Variants in MTPAP observed in about 807,000 individuals in gnomAD.
MTPAP encodes mitochondrial poly(A) polymerase.
MTPAP carries 23 observed loss-of-function variants against 48.7 expected under a neutral mutation model. That is an observed-to-expected ratio of 0.47 (90% CI 0.34 to 0.67). The LOEUF is 0.67. MTPAP is among the 30% of genes least tolerant of loss of function. The pLI, the probability that MTPAP is intolerant of heterozygous loss-of-function variation, is 0.01. For missense variants in MTPAP, 614 were observed against 694.3 expected, an observed-to-expected ratio of 0.88 and a Z score of 1.30; for synonymous variants, 257 against 254.1, an observed-to-expected ratio of 1.01 and a Z score of -0.11.
At position 30,314,044 on chromosome 10, in the gene MTPAP, TA is replaced by T. The variant is rs1488476266; in HGVS notation, c.1387-74del. On this transcript the variant is annotated intron_variant, in intron 8 of 8. Coordinates refer to ENST00000263063, the MANE Select transcript of MTPAP (RefSeq NM_018109.4). ...TTAAATATAAAAACAGTTAACTCAA[TA>T]AAATGTCAAAACACATAAAACACCA... 1.5e-5 allele frequency: 22 copies of T among 1,500,278 alleles called. No homozygotes were observed. The African/African-American group carries it at 2.6e-4, about 18-fold the overall frequency. 92.9% of individuals were successfully genotyped at this position (1,500,278 alleles called of 1,614,324 possible).
intron 4 of MTPAP, among the ~76,000 whole-genome samples, chr10:30,330,717 T>C (rs1564521470): frequency 1.3e-5 from 2 of 152,194 alleles, no homozygotes; most frequent in Non-Finnish European, 2.9e-5. Flanking sequence ...CTTGCCCCTC[T>C]AAGGTTAAGC....
rs115009475 is a variant in MTPAP at position 30,339,844 on chromosome 10, A to G, written c.555+382T>C. The stretch of plus-strand genomic sequence containing the variant: ...TAGGGTTTATTCTGTGAATGCAAGA[A>G]TGACTTGACATGAGGAAATCTACAG... On this transcript the variant is annotated intron_variant, in intron 3 of 8. Coordinates refer to ENST00000263063, the MANE Select transcript of MTPAP (RefSeq NM_018109.4). 175 of 223,110 alleles carry G rather than the reference A, an allele frequency of 7.8e-4. 2 individuals are homozygous for G. Among genetic ancestry groups the G allele is most frequent in the African/African-American group, 3.8e-3 (166 of 43,890 alleles). 13.8% of individuals were successfully genotyped at this position (223,110 alleles called of 1,614,324 possible).
chr10:30,336,662 A>G (rs1297781554), intron 4 of MTPAP, 141 bp downstream of exon 4: 2 of 765,186 alleles, frequency 2.6e-6, no homozygotes, highest in Admixed American at 2.1e-5. Flanking sequence ...CAAAGAATCA[A>G]TAACAAATAC....
rs1304370993 is a variant in MTPAP, at chr10:30,336,688, C to G, written c.780+115G>C. The G allele has an allele frequency of 3.4e-6, 3 of 883,336 alleles. No homozygotes were observed. In the Admixed American group the frequency reaches 5.5e-5, roughly 16 times the overall value. 54.7% of individuals were successfully genotyped at this position (883,336 alleles called of 1,614,324 possible). Reference sequence around the variant, plus strand: ...TAACAAATACACCTTATTCTTTAACCACAATGTTTAATAAGTTTAGAAATC... The same window carrying G: ...TAACAAATACACCTTATTCTTTAACGACAATGTTTAATAAGTTTAGAAATC... On this transcript the variant is annotated intron_variant, in intron 4 of 8. Transcript: ENST00000263063.
chr10:30,338,122 G>C (rs747956427), intron 3 of MTPAP, among the ~76,000 whole-genome samples: 1 of 151,658 alleles, frequency 6.6e-6, no homozygotes, highest in Non-Finnish European at 1.5e-5. Context: ...AAACTAGCTG[G>C]GCATGGTGGA....
At chr10:30,316,288 G>T in intron 6 of MTPAP, 78 bp from the exon 7 acceptor site, 1 of 1,133,288 alleles carries the variant, frequency 8.8e-7, no homozygotes, top group Non-Finnish European at 1.3e-6. Flanking sequence ...TGTCATCCAG[G>T]CTGGAGTGTA....
At chr10:30,330,875 G>A (rs1834658116) in intron 4 of MTPAP, among the ~76,000 whole-genome samples, 1 of 152,156 alleles carries the variant, frequency 6.6e-6, no homozygotes, top group Non-Finnish European at 1.5e-5. Flanking sequence ...ATGAAACACT[G>A]GTCAGCCTGG....
intron 4 of MTPAP, among the ~76,000 whole-genome samples, chr10:30,334,073 T>C (rs1834702289): frequency 6.6e-6 from 1 of 152,154 alleles, no homozygotes. Context: ...CCAAGTTTAT[T>C]ATATAGTGGG....
In MTPAP at chr10:30,322,519, T is replaced by C. The variant is rs1052671033; in HGVS notation, c.1091A>G (p.His364Arg). ...VFSVRCWARA[H>R]SLTSSIPGAW... ...ACCAGGAATACTACTTGTTAGTGAA[T>C]GTGCTCGAGCCCAGCACCGTACACT... Residue 364 changes from histidine (H) to arginine (R), a missense_variant, in exon 6 of 9, where the codon CAT becomes CGT. His to Arg is a conservative substitution (Grantham distance 29). Transcript: ENST00000263063. 1.9e-6 allele frequency: 3 copies of C among 1,614,010 alleles called. No individual in the cohort carries two copies. Among genetic ancestry groups the C allele is most frequent in the Middle Eastern group, 3.3e-4 (2 of 6,062 alleles).
intron 6 of MTPAP, among the ~76,000 whole-genome samples, chr10:30,316,632 G>A (rs1306976469): frequency 6.6e-6 from 1 of 150,446 alleles, no homozygotes; most frequent in Non-Finnish European, 1.5e-5. Context: ...GCTCACACCT[G>A]TAATCCCAGA....
At position 30,332,969 on chromosome 10, in the gene MTPAP, A is replaced by C. The variant is rs547737119; in HGVS notation, c.780+3834T>G. 4.0e-5 allele frequency among the ~76,000 whole-genome samples: 6 copies of C among 151,362 alleles called. No homozygotes were observed. In the East Asian group the frequency reaches 9.8e-4, roughly 25 times the overall value. On this transcript the variant is annotated intron_variant, in intron 4 of 8. Coordinates refer to ENST00000263063, the MANE Select transcript of MTPAP (RefSeq NM_018109.4). Reference sequence around the variant, plus strand: ...ACTCCATCTCTACTAAAAATACAAAAAATTAGCTGGGCGTGGTGGCGGGCG... The same window carrying C: ...ACTCCATCTCTACTAAAAATACAAACAATTAGCTGGGCGTGGTGGCGGGCG...
intron 6 of MTPAP, among the ~76,000 whole-genome samples, chr10:30,318,064 G>C (rs1840681641): frequency 6.6e-6 from 1 of 151,986 alleles, no homozygotes; most frequent in Admixed American, 6.6e-5. Context: ...TCACTATATT[G>C]GCCAGGCTGG....
intron 1 of MTPAP, chr10:30,348,720 C>T: frequency 4.8e-6 from 1 of 208,990 alleles, no homozygotes; most frequent in East Asian, 1.2e-4. Flanking sequence ...TATAACTCGG[C>T]CTCCAGCAAC....
At chr10:30,332,513 C>T (rs1444209277) in intron 4 of MTPAP, among the ~76,000 whole-genome samples, 3 of 151,898 alleles carry the variant, frequency 2.0e-5, no homozygotes, top group African/African-American at 4.8e-5. Flanking sequence ...AGGCTGGTCT[C>T]GAACTCCTGA....
intron 6 of MTPAP, among the ~76,000 whole-genome samples, chr10:30,319,571 T>C (rs1435147324): frequency 6.6e-6 from 1 of 152,076 alleles, no homozygotes; most frequent in Non-Finnish European, 1.5e-5. Flanking sequence ...GTTGAACTAC[T>C]GGTCAAAATT....
At chr10:30,334,524 G>T (rs906955021) in intron 4 of MTPAP, among the ~76,000 whole-genome samples, 40 of 152,034 alleles carry the variant, frequency 2.6e-4, no homozygotes, top group African/African-American at 9.2e-4. Flanking sequence ...AGCCGGGCGT[G>T]GTGGGGCGTG....
chr10:30,340,004 T>C, intron 3 of MTPAP: 1 of 566,070 alleles, frequency 1.8e-6, no homozygotes, highest in East Asian at 3.1e-5. Context: ...ACTCAATGTG[T>C]TGAGCATGAC....
In MTPAP at chr10:30,311,445, A is replaced by T. The variant is rs1002038057; in HGVS notation, c.*2164T>A. 6.6e-6 allele frequency: 1 copy of T among 152,240 alleles called. No individual in the cohort carries two copies. Among genetic ancestry groups the T allele is most frequent in the Admixed American group, 6.5e-5 (1 of 15,274 alleles). 9.4% of individuals were successfully genotyped at this position (152,240 alleles called of 1,614,324 possible). On this transcript the variant is annotated 3_prime_UTR_variant, in exon 9 of 9. Coordinates refer to ENST00000263063, the MANE Select transcript of MTPAP (RefSeq NM_018109.4). The stretch of plus-strand genomic sequence containing the variant: ...AAATCTGAATTTTGAGTAGCAAAAA[A>T]GGTAATTACATACCACAAACACCGA...
In MTPAP at chr10:30,335,718, A is replaced by G. The variant is rs1282343609; in HGVS notation, c.780+1085T>C. ...GAGTAATCCAATAAAAGGAAGAAAGAAAGTGAAAAGCTGCTGGGAAGTGGC... is the reference window on the plus strand; with the variant it reads ...GAGTAATCCAATAAAAGGAAGAAAGGAAGTGAAAAGCTGCTGGGAAGTGGC... On this transcript the variant is annotated intron_variant, in intron 4 of 8. Coordinates refer to ENST00000263063, the MANE Select transcript of MTPAP (RefSeq NM_018109.4). Among the ~76,000 whole-genome samples the G allele has an allele frequency of 2.0e-5, 3 of 152,136 alleles. 1 individual carries two copies. The highest frequency in any genetic ancestry group is 4.1e-4 in the South Asian group (2 of 4,830).
Sources: allele counts gnomAD v4.1 joint callset (sites outside exome capture counted in the v4.1 genomes callset), GRCh38; gene constraint gnomAD v4.1.1; transcripts MANE v1.5; gene names NCBI Gene and HGNC (gene_info 2026-07-23, HGNC 2026-07-21).